RPGR: variants seen among roughly 807,000 people sequenced by gnomAD.
RPGR encodes the protein retinitis pigmentosa GTPase regulator.
In RPGR, 10 loss-of-function variants were observed where a neutral mutation model predicts 56.3. The observed-to-expected ratio is 0.18, with a 90% confidence interval of 0.11 to 0.30. RPGR has a LOEUF of 0.30. RPGR is among the 10% of genes least tolerant of loss of function. The pLI, the probability that RPGR is intolerant of heterozygous loss-of-function variation, is 1.00. For missense variants in RPGR, 538 were observed against 590.9 expected, an observed-to-expected ratio of 0.91 and a Z score of 0.93; for synonymous variants, 197 against 212.9, an observed-to-expected ratio of 0.93 and a Z score of 0.65.
rs2066874327 is a variant in RPGR, at chrX:38,273,264, CTTCAGG to C, written c.2241+116_2241+121del. ...AAAATATGCGACATCACCTGAAATT[CTTCAGG>C]TTTTGGGGCCATGAAAACTCATATT... On this transcript the variant is annotated intron_variant, in intron 18 of 18. Transcript: ENST00000642395. 4.7e-5 allele frequency: 24 copies of C among 505,721 alleles called. No individual in the cohort carries two copies. In the East Asian group the frequency reaches 8.9e-4, roughly 19 times the overall value. 41.7% of individuals were successfully genotyped at this position (505,721 alleles called of 1,213,427 possible).
intron 11 of RPGR, among the ~76,000 whole-genome samples, chrX:38,293,490 A>G (rs765392767): frequency 1.8e-5 from 2 of 112,282 alleles, no homozygotes; most frequent in Non-Finnish European, 3.8e-5. Flanking sequence ...GAAAATTAAC[A>G]ATTATTTTCA....
intron 13 of RPGR, among the ~76,000 whole-genome samples, chrX:38,288,560 C>T (rs1036472890): frequency 2.7e-5 from 3 of 110,430 alleles, no homozygotes; most frequent in Non-Finnish European, 5.7e-5. Flanking sequence ...CAAAAATTAG[C>T]CAGGAGTGGT....
In RPGR at chrX:38,295,856, T is replaced by C. The variant is rs4827348; in HGVS notation, c.1414+1428A>G. 0.094 allele frequency: 10,453 copies of C among 111,403 alleles called. 505 individuals carry two copies. Among genetic ancestry groups the C allele is most frequent in the African/African-American group, 0.16 (4,862 of 30,594 alleles). The allele number at this position is 111,403 out of a possible 1,213,427, so 9.2% of individuals were successfully genotyped here. A position where few individuals can be genotyped will look rare whatever the true frequency, so the allele number is the denominator to read the frequency against. On this transcript the variant is annotated intron_variant, in intron 11 of 18. Coordinates refer to ENST00000642395, the MANE Select transcript of RPGR (RefSeq NM_000328.3). ...CAGGTTTATCTTCTTAATTTCAAAT[T>C]TACTGCTTACTTTCTGATCTCCTGG...
chrX:38,287,587 G>A lies in RPGR; in HGVS notation c.1753+274C>T, dbSNP rs775107224. 2.9e-4 allele frequency: 148 copies of A among 504,748 alleles called. 1 individual carries two copies. Among genetic ancestry groups the A allele is most frequent in the Non-Finnish European group, 2.5e-5 (7 of 282,493 alleles). The allele number at this position is 504,748 out of a possible 1,213,427, so 41.6% of individuals were successfully genotyped here. ...ACTCTCAGTATTCATACCTCTATCT[G>A]GTAAGTTGCCAAAGAAAGGACTCAT... On this transcript the variant is annotated intron_variant, in intron 14 of 18. Transcript: ENST00000642395.
chrX:38,307,238 C>A (rs1569251466), intron 7 of RPGR, among the ~76,000 whole-genome samples: 2 of 111,744 alleles, frequency 1.8e-5, no homozygotes, highest in African/African-American at 6.5e-5. Flanking sequence ...AAATATCACT[C>A]TGCCTCACTT....
intron 15 of RPGR, chrX:38,284,879 A>G: frequency 1.3e-6 from 1 of 750,596 alleles, no homozygotes; most frequent in Non-Finnish European, 1.6e-6. Flanking sequence ...CATTTAAATT[A>G]ATCACCATTT....
At chrX:38,303,864 G>A (rs151166215) in intron 8 of RPGR, 5 of 293,457 alleles carry the variant, frequency 1.7e-5, no homozygotes, top group Non-Finnish European at 3.0e-5. Context: ...CATGGATTAC[G>A]TCAATACACT....
chrX:38,311,419 TTAAC>T (rs1017397340), intron 6 of RPGR, among the ~76,000 whole-genome samples: 1 of 112,108 alleles, frequency 8.9e-6, no homozygotes, highest in Non-Finnish European at 1.9e-5. Context: ...TTCTATGCAA[TTAAC>T]TGAGTTCTAT....
intron 15 of RPGR, among the ~76,000 whole-genome samples, chrX:38,281,543 A>G (rs1442250747): frequency 8.9e-6 from 1 of 112,291 alleles, no homozygotes; most frequent in Non-Finnish European, 1.9e-5. Flanking sequence ...GGTTCACATG[A>G]CTAAACTCAC....
chrX:38,317,698 T>TC, intron 5 of RPGR: 1 of 338,730 alleles, frequency 3.0e-6, no homozygotes, highest in Non-Finnish European at 5.2e-6. Flanking sequence ...ATCACTTAAG[T>TC]CCTGACCATA....
intron 15 of RPGR, among the ~76,000 whole-genome samples, chrX:38,277,716 C>A (rs17320726): frequency 0.031 from 3,517 of 111,665 alleles, 93 homozygotes; most frequent in South Asian, 0.14. Flanking sequence ...TGCTTCAGAC[C>A]ATATCCCCTT....
At chrX:38,283,625 G>A (rs1238916197) in intron 15 of RPGR, among the ~76,000 whole-genome samples, 1 of 112,018 alleles carries the variant, frequency 8.9e-6, no homozygotes, top group East Asian at 2.8e-4. Flanking sequence ...CTTCTAAAGA[G>A]CACAAAATGT....
In RPGR at chrX:38,317,301, C is replaced by T. The variant is rs1441864816; in HGVS notation, c.619+15G>A. The T allele has an allele frequency of 2.5e-6, 3 of 1,204,432 alleles. No homozygotes were observed. Among genetic ancestry groups the T allele is most frequent in the East Asian group, 3.0e-5 (1 of 33,773 alleles). On this transcript the variant is annotated intron_variant, in intron 6 of 18. Coordinates refer to ENST00000642395, the MANE Select transcript of RPGR (RefSeq NM_000328.3). Reference sequence around the variant, plus strand: ...GAAGTGGGAGATAACATGATGACTTCAAAATGTGTCTTACTTGTTACAAAA... The same window carrying T: ...GAAGTGGGAGATAACATGATGACTTTAAAATGTGTCTTACTTGTTACAAAA...
chrX:38,323,940 A>G (rs767753176), intron 1 of RPGR, among the ~76,000 whole-genome samples: 1 of 112,145 alleles, frequency 8.9e-6, no homozygotes, highest in South Asian at 3.7e-4. Context: ...CAGAAACAGG[A>G]CAGTATTTCG....
intron 4 of RPGR, among the ~76,000 whole-genome samples, chrX:38,320,208 T>C (rs1469354208): frequency 1.1e-5 from 1 of 92,680 alleles, no homozygotes; most frequent in African/African-American, 4.2e-5. Context: ...GGGAAAGGTA[T>C]GGAGAGGTGG....
rs745781744 is a variant in RPGR at position 38,269,634 on chromosome X, T to C, written c.2440A>G (p.Ile814Val). Residue 814 changes from isoleucine (I) to valine (V), a missense_variant, in exon 19 of 19, where the codon ATA (isoleucine) becomes GTA (valine). Ile to Val is a conservative substitution (Grantham distance 29, BLOSUM62 3). This residue lies in a region of RPGR where 357 missense variants were observed against 325.8 expected (regional missense o/e 1.10). Transcript: ENST00000642395. Reference sequence around the variant, plus strand: ...AAAACATAAATATATATTTATAGTATTGTACAGGATTTTGATCTTCTCTCT... The same window carrying C: ...AAAACATAAATATATATTTATAGTACTGTACAGGATTTTGATCTTCTCTCT... 5 of 1,161,826 alleles carry C rather than the reference T, an allele frequency of 4.3e-6. No homozygotes were observed. The South Asian group carries it at 7.2e-5, about 17-fold the overall frequency.
chrX:38,288,265 T>A (rs995127215), intron 13 of RPGR, among the ~76,000 whole-genome samples: 6 of 112,250 alleles, frequency 5.3e-5, no homozygotes, highest in Non-Finnish European at 1.1e-4. Flanking sequence ...AACATGTATC[T>A]GTGTTTAATT....
At chrX:38,278,334 G>A (rs79518071) in intron 15 of RPGR, among the ~76,000 whole-genome samples, 7,194 of 111,862 alleles carry the variant, frequency 0.064, 291 homozygotes, top group South Asian at 0.14. Flanking sequence ...TCCACCTCCC[G>A]GGTTGAAGCG....
chrX:38,327,107 T>G lies in RPGR; in HGVS notation c.28+233A>C, dbSNP rs140026681. On this transcript the variant is annotated intron_variant, in intron 1 of 18. Coordinates refer to ENST00000642395, the MANE Select transcript of RPGR (RefSeq NM_000328.3). ...TGCCTTCAAGAAGCTCATCAAGAGC[T>G]TATTTAAAAAGCATACGAAAGACAG... Among the ~76,000 whole-genome samples the G allele has an allele frequency of 0.013, 1,472 of 110,940 alleles. 13 individuals are homozygous for G. The highest frequency in any genetic ancestry group is 0.051 in the South Asian group (137 of 2,661).
Sources: gnomAD v4.1 joint callset for allele counts (sites outside exome capture counted in the v4.1 genomes callset) on GRCh38, gnomAD v4.1.1 for gene constraint, gnomAD v4.1.1 regional missense constraint, MANE v1.5 for transcripts, NCBI Gene and HGNC (gene_info 2026-07-23, HGNC 2026-07-21) for gene names.